CA10: variants seen among roughly 807,000 people sequenced by gnomAD.
CA10 encodes carbonic anhydrase-related protein 10.
CA10 carries 14 observed loss-of-function variants against 44.2 expected under a neutral mutation model. That is an observed-to-expected ratio of 0.32 (90% CI 0.21 to 0.50). The LOEUF (loss-of-function observed/expected upper bound fraction) is 0.50. Among genes scored for constraint, CA10 ranks in the 20% least tolerant of loss-of-function variants. CA10 has a pLI of 0.99. For missense variants in CA10, 350 were observed against 409.7 expected (o/e 0.85, Z 1.26); for synonymous variants, 159 against 141.6 (o/e 1.12, Z -0.87).
chr17:51,876,604 T>C (rs1431129205), intron 3 of CA10, among the ~76,000 whole-genome samples: 2 of 152,098 alleles, frequency 1.3e-5, no homozygotes. Context: ...ATCCATTAGG[T>C]ACCCGTAACA....
At position 52,034,377 on chromosome 17, in the gene CA10, G is replaced by C. The variant is rs571164564; in HGVS notation, c.136+37942C>G. On this transcript the variant is annotated intron_variant, in intron 2 of 8. Coordinates refer to ENST00000451037, the MANE Select transcript of CA10 (RefSeq NM_020178.5). Reference sequence around the variant, plus strand: ...TATATCTCAAAGTTTTTTAAAGCTTGTGTGAGAATGCAAATATAGAGTCTT... The same window carrying C: ...TATATCTCAAAGTTTTTTAAAGCTTCTGTGAGAATGCAAATATAGAGTCTT... Among the ~76,000 whole-genome samples, 4 of 152,266 alleles carry C rather than the reference G, an allele frequency of 2.6e-5. No individual in the cohort carries two copies. The South Asian group carries it at 8.3e-4, about 32-fold the overall frequency.
At chr17:51,905,146 A>G (rs1037182265) in intron 3 of CA10, among the ~76,000 whole-genome samples, 2 of 152,158 alleles carry the variant, frequency 1.3e-5, no homozygotes, top group Non-Finnish European at 2.9e-5. Context: ...ATTTGCCCTA[A>G]GATTGGAAAT....
intron 5 of CA10, among the ~76,000 whole-genome samples, chr17:51,652,674 G>C (rs1913618924): frequency 1.3e-5 from 2 of 152,210 alleles, no homozygotes; most frequent in African/African-American, 2.4e-5. Flanking sequence ...ATTCTTTTGT[G>C]GGGGCGGGGA....
At chr17:51,825,328 A>G (rs1174208399) in intron 3 of CA10, among the ~76,000 whole-genome samples, 1 of 151,822 alleles carries the variant, frequency 6.6e-6, no homozygotes, top group Non-Finnish European at 1.5e-5. Flanking sequence ...CTCTGCTGGG[A>G]CCATCTTTGT....
In CA10 at chr17:51,930,972, A is replaced by C. The variant is rs1982633244; in HGVS notation, c.279+18T>G. On this transcript the variant is annotated intron_variant, in intron 3 of 8. Coordinates refer to ENST00000451037, the MANE Select transcript of CA10 (RefSeq NM_020178.5). ...GCCCCATCTTCAACTTTACCATGGA[A>C]GCAATATGGTGGCTTACCTTCCTGC... The C allele has an allele frequency of 6.2e-7, 1 of 1,611,754 alleles. No individual in the cohort carries two copies. Among genetic ancestry groups the C allele is most frequent in the Non-Finnish European group, 8.5e-7 (1 of 1,179,096 alleles).
chr17:51,773,209 G>A (rs1905676883), intron 3 of CA10, among the ~76,000 whole-genome samples: 1 of 152,236 alleles, frequency 6.6e-6, no homozygotes, highest in Non-Finnish European at 1.5e-5. Flanking sequence ...GTTGCTCAGT[G>A]TGTAGAACAT....
chr17:52,063,566 C>T (rs1987450866), intron 2 of CA10, among the ~76,000 whole-genome samples: 1 of 152,116 alleles, frequency 6.6e-6, no homozygotes, highest in Admixed American at 6.6e-5. Context: ...CAAGTTATTG[C>T]TCTATTGGTT....
chr17:51,811,931 A>G, intron 3 of CA10, among the ~76,000 whole-genome samples: 1 of 152,172 alleles, frequency 6.6e-6, no homozygotes, highest in African/African-American at 2.4e-5. Flanking sequence ...GCTTCCTTGA[A>G]CTGTCCTCCA....
chr17:52,100,769 A>G (rs973648361), intron 1 of CA10, among the ~76,000 whole-genome samples: 4 of 152,054 alleles, frequency 2.6e-5, no homozygotes, highest in African/African-American at 9.7e-5. Context: ...TATCACCCCC[A>G]TCAAGCCTTT....
intron 3 of CA10, among the ~76,000 whole-genome samples, chr17:51,909,727 A>G (rs1325781728): frequency 6.6e-6 from 1 of 152,090 alleles, no homozygotes; most frequent in Non-Finnish European, 1.5e-5. Context: ...AAAGCATCCT[A>G]TTCTCTTAGA....
chr17:51,716,264 A>G (rs1022744653), intron 4 of CA10, among the ~76,000 whole-genome samples: 3 of 152,118 alleles, frequency 2.0e-5, no homozygotes, highest in African/African-American at 7.2e-5. Context: ...ATCGAGTGAT[A>G]TATTATAGAC....
chr17:51,899,496 T>C lies in CA10; in HGVS notation c.279+31494A>G, dbSNP rs909916401. 4.6e-5 allele frequency among the ~76,000 whole-genome samples: 7 copies of C among 151,870 alleles called. No homozygotes were observed. The East Asian group carries it at 9.6e-4, about 21-fold the overall frequency. On this transcript the variant is annotated intron_variant, in intron 3 of 8. Transcript: ENST00000451037. ...TTTTGTGGTTGATTTTAGAGTGCCA[T>C]GTGTAGATGAGAAAAATGTATATAC... is the stretch of plus-strand genomic sequence containing the variant.
At chr17:51,986,368 G>C (rs1486324205) in intron 2 of CA10, among the ~76,000 whole-genome samples, 1 of 151,904 alleles carries the variant, frequency 6.6e-6, no homozygotes, top group African/African-American at 2.4e-5. Context: ...GATGGATTAA[G>C]GACTTAAATC....
intron 3 of CA10, among the ~76,000 whole-genome samples, chr17:51,858,649 G>A (rs1263505827): frequency 6.6e-6 from 1 of 152,146 alleles, no homozygotes; most frequent in Non-Finnish European, 1.5e-5. Flanking sequence ...TTTTATAACT[G>A]CTAGCACAGG....
At chr17:51,643,554 C>T (rs1219643064) in intron 6 of CA10, among the ~76,000 whole-genome samples, 1 of 152,094 alleles carries the variant, frequency 6.6e-6, no homozygotes, top group African/African-American at 2.4e-5. Context: ...TTATAAGTTT[C>T]ACTCAGACAT....
chr17:51,765,577 AT>A (rs1905341994), intron 3 of CA10, among the ~76,000 whole-genome samples: 1 of 152,070 alleles, frequency 6.6e-6, no homozygotes, highest in Non-Finnish European at 1.5e-5. Context: ...CCTTCATTAT[AT>A]TTCCATTACT....
intron 4 of CA10, among the ~76,000 whole-genome samples, chr17:51,679,715 G>A (rs1914774887): frequency 6.6e-6 from 1 of 152,070 alleles, no homozygotes; most frequent in South Asian, 2.1e-4. Flanking sequence ...TAAGAGCACA[G>A]AGGTGAAGCC....
chr17:51,851,128 G>T (rs993825010), intron 3 of CA10, among the ~76,000 whole-genome samples: 1 of 152,190 alleles, frequency 6.6e-6, no homozygotes, highest in African/African-American at 2.4e-5. Context: ...CCAGTTCCAA[G>T]CCTCAGCACT....
intron 2 of CA10, among the ~76,000 whole-genome samples, chr17:52,064,964 G>A (rs998501141): frequency 6.6e-6 from 1 of 152,170 alleles, no homozygotes; most frequent in Non-Finnish European, 1.5e-5. Flanking sequence ...ACTATCTATT[G>A]TCCTTTATTT....
Sources: gnomAD v4.1 joint callset for allele counts (sites outside exome capture counted in the v4.1 genomes callset) on GRCh38, gnomAD v4.1.1 for gene constraint, MANE v1.5 for transcripts, NCBI Gene and HGNC (gene_info 2026-07-23, HGNC 2026-07-21) for gene names.